STPG2: variants seen among roughly 807,000 people sequenced by gnomAD.
STPG2 encodes the protein sperm-tail PG-rich repeat-containing protein 2.
Under a neutral mutation model 54.2 loss-of-function variants are expected in STPG2, and 56 were observed. The ratio of observed to expected loss-of-function variants is 1.03; its 90% CI spans 0.83 to 1.29. The LOEUF is 1.29. Ranked by LOEUF, STPG2 falls within the 50% of genes most tolerant of loss-of-function variation. The pLI is 0.00. For synonymous variants in STPG2, 200 were observed against 181.8 expected, an observed-to-expected ratio of 1.10 and a Z score of -0.81; for missense variants, 596 against 544.9, an observed-to-expected ratio of 1.09 and a Z score of -0.93.
chr4:98,007,770 GAA>G (rs35876488), intron 5 of STPG2, among the ~76,000 whole-genome samples: 152 of 149,600 alleles, frequency 1.0e-3, no homozygotes, highest in Middle Eastern at 3.5e-3. Flanking sequence ...ATCCTTTAAG[GAA>G]AAAAAAATAA....
At position 97,911,601 on chromosome 4, in the gene STPG2, C is replaced by T. The variant is rs542989458; in HGVS notation, c.1044+32296G>A. Among the ~76,000 whole-genome samples the T allele has an allele frequency of 3.9e-5, 6 of 152,244 alleles. No individual in the cohort carries two copies. In the South Asian group the frequency reaches 1.2e-3, roughly 32 times the overall value. On this transcript the variant is annotated intron_variant, in intron 8 of 10. Coordinates refer to ENST00000295268, the MANE Select transcript of STPG2 (RefSeq NM_174952.3). ...GCCAGACTGCTTTTTTAAGTGGGAC[C>T]CTAATCCATCCCTCCTCACCAGGCA...
At chr4:98,024,025 C>A (rs1175532091) in intron 5 of STPG2, among the ~76,000 whole-genome samples, 1 of 152,030 alleles carries the variant, frequency 6.6e-6, no homozygotes, top group Non-Finnish European at 1.5e-5. Context: ...GCGCACAGTT[C>A]GCTGCACCCA....
chr4:97,821,878 A>T (rs1344729329), intron 9 of STPG2, among the ~76,000 whole-genome samples: 1 of 152,172 alleles, frequency 6.6e-6, no homozygotes, highest in East Asian at 1.9e-4. Context: ...CCCCCAAGTC[A>T]TTCTAAGAAG....
intron 10 of STPG2, among the ~76,000 whole-genome samples, chr4:97,674,418 T>C (rs917252851): frequency 2.6e-5 from 4 of 152,188 alleles, no homozygotes; most frequent in African/African-American, 9.7e-5. Flanking sequence ...GGAAACCTGA[T>C]ACAAAAGAGC....
At chr4:97,952,969 T>C (rs1266787965) in intron 7 of STPG2, among the ~76,000 whole-genome samples, 1 of 152,120 alleles carries the variant, frequency 6.6e-6, no homozygotes, top group Non-Finnish European at 1.5e-5. Flanking sequence ...GTTGTGGTAG[T>C]AGTGGTGGGA....
intron 9 of STPG2, among the ~76,000 whole-genome samples, chr4:97,746,451 T>G (rs931112843): frequency 6.6e-6 from 1 of 151,256 alleles, no homozygotes; most frequent in Non-Finnish European, 1.5e-5. Flanking sequence ...CTCCAATAAT[T>G]TCTCCAATTG....
intron 10 of STPG2, among the ~76,000 whole-genome samples, chr4:97,597,174 C>T (rs1287736232): frequency 6.6e-6 from 1 of 152,042 alleles, no homozygotes; most frequent in Non-Finnish European, 1.5e-5. Context: ...TAGATAAATT[C>T]CTGTACACAT....
intron 10 of STPG2, among the ~76,000 whole-genome samples, chr4:97,562,532 G>T (rs533279392): frequency 3.3e-5 from 5 of 152,296 alleles, no homozygotes; most frequent in African/African-American, 1.2e-4. Flanking sequence ...TTTTCAAAGG[G>T]AATGCTTGCA....
At chr4:97,694,533 G>A (rs552538022) in intron 10 of STPG2, among the ~76,000 whole-genome samples, 1 of 151,976 alleles carries the variant, frequency 6.6e-6, no homozygotes, top group Non-Finnish European at 1.5e-5. Context: ...AACAGGCCAG[G>A]TGCAGTGGCT....
intron 5 of STPG2, among the ~76,000 whole-genome samples, chr4:98,070,664 G>A (rs1035320692): frequency 2.0e-5 from 3 of 151,974 alleles, no homozygotes; most frequent in Non-Finnish European, 2.9e-5. Context: ...CTTCAACAAA[G>A]TCTCAGGATA....
chr4:98,097,078 T>C (rs1192972712), intron 5 of STPG2, among the ~76,000 whole-genome samples: 1 of 152,090 alleles, frequency 6.6e-6, no homozygotes, highest in Non-Finnish European at 1.5e-5. Flanking sequence ...ACTCAAACTA[T>C]TCCAAAAAAT....
At chr4:97,897,374 C>T (rs1307341600) in intron 8 of STPG2, among the ~76,000 whole-genome samples, 1 of 152,018 alleles carries the variant, frequency 6.6e-6, no homozygotes, top group African/African-American at 2.4e-5. Context: ...CATATGCATA[C>T]ATGTGTCTTT....
At chr4:97,508,860 C>T (rs1167221449) in intron 4 of STPG2, among the ~76,000 whole-genome samples, 3 of 152,076 alleles carry the variant, frequency 2.0e-5, no homozygotes, top group African/African-American at 7.2e-5. Flanking sequence ...CCAAAGTATT[C>T]TGATTATCTG....
At chr4:97,958,793 C>T (rs754579121) in intron 7 of STPG2, among the ~76,000 whole-genome samples, 41 of 152,126 alleles carry the variant, frequency 2.7e-4, no homozygotes, top group African/African-American at 8.2e-4. Flanking sequence ...CAGTACTTCA[C>T]GCACAGCACT....
chr4:98,086,195 C>A (rs1226978123), intron 5 of STPG2, among the ~76,000 whole-genome samples: 3 of 151,980 alleles, frequency 2.0e-5, no homozygotes, highest in Non-Finnish European at 4.4e-5. Flanking sequence ...AAAGTATGCA[C>A]ATTTGCACTG....
At chr4:97,829,241 G>C (rs1728362722) in intron 9 of STPG2, among the ~76,000 whole-genome samples, 1 of 152,120 alleles carries the variant, frequency 6.6e-6, no homozygotes, top group Admixed American at 6.5e-5. Context: ...ACAGGGTCTG[G>C]AGTAGAACTC....
At chr4:97,481,386 A>C (rs1730217493) in intron 4 of STPG2, among the ~76,000 whole-genome samples, 1 of 151,576 alleles carries the variant, frequency 6.6e-6, no homozygotes, top group African/African-American at 2.4e-5. Context: ...TTTTAGAATC[A>C]GCTTGGCAAT....
intron 10 of STPG2, among the ~76,000 whole-genome samples, chr4:97,568,048 A>G (rs1732500101): frequency 6.6e-6 from 1 of 152,200 alleles, no homozygotes; most frequent in African/African-American, 2.4e-5. Flanking sequence ...TATTAGAAAC[A>G]TAGTGGATGC....
At chr4:97,445,738 C>T (rs1729205478) in intron 4 of STPG2, among the ~76,000 whole-genome samples, 1 of 152,132 alleles carries the variant, frequency 6.6e-6, no homozygotes, top group South Asian at 2.1e-4. Context: ...ATTTGATCTA[C>T]TACTCTAATA....
Sources: allele counts gnomAD v4.1 joint callset (sites outside exome capture counted in the v4.1 genomes callset), GRCh38; gene constraint gnomAD v4.1.1; transcripts MANE v1.5; gene names NCBI Gene and HGNC (gene_info 2026-07-23, HGNC 2026-07-21).